Variants in WBP1L observed in about 807,000 individuals in gnomAD.
WBP1L encodes the protein WW domain binding protein 1 like, also known as WW domain binding protein 1-like.
A neutral mutation model predicts 33.7 loss-of-function variants in WBP1L; 17 were observed. The observed-to-expected ratio is 0.50, with a 90% CI of 0.34 to 0.76. The LOEUF is 0.76. Among genes scored for constraint, WBP1L ranks in the 30% least tolerant of loss-of-function variants. The probability of loss-of-function intolerance (pLI) is 0.01; values close to 1 mark genes in which losing one functional copy is unlikely to be tolerated. For synonymous variants in WBP1L, 173 were observed against 190.8 expected, an observed-to-expected ratio of 0.91 and a Z score of 0.77; for missense variants, 389 against 469.4, an observed-to-expected ratio of 0.83 and a Z score of 1.58.
At chr10:102,810,564 C>CT (rs779749788) in intron 3 of WBP1L, among the ~76,000 whole-genome samples, 843 of 59,808 alleles carry the variant, frequency 0.014, 166 homozygotes, top group African/African-American at 0.05. Context: ...CTCTCTATTT[C>CT]TTTTTTTTTT....
At chr10:102,793,034 TG>T (rs1339289231) in intron 1 of WBP1L, among the ~76,000 whole-genome samples, 1 of 152,238 alleles carries the variant, frequency 6.6e-6, no homozygotes, top group Non-Finnish European at 1.5e-5. Flanking sequence ...CAACATTTAT[TG>T]TAGTCGCAGT....
chr10:102,748,211 G>A (rs1045804365), intron 1 of WBP1L, among the ~76,000 whole-genome samples: 21 of 151,626 alleles, frequency 1.4e-4, no homozygotes, highest in Admixed American at 7.9e-4. Context: ...AGCCGAGGTC[G>A]CGCCACTGCA....
chr10:102,809,937 T>C lies in WBP1L; in HGVS notation c.238T>C (p.Cys80Arg). ...WTIIIILSCC[C>R]VCHHRRAKHR... ...CATCATCATCATCCTGAGCTGCTGC[T>C]GTGTTTGCCACCACCGCCGAGCCAA... is the stretch of plus-strand genomic sequence containing the variant. The change falls in exon 3 of 4, where the codon TGT (cysteine) becomes CGT (arginine). Residue 80 changes from cysteine (C) to arginine (R), a missense_variant. By Grantham distance (180) the Cys-to-Arg change is radical. Transcript: ENST00000448841. The C allele has an allele frequency of 6.2e-7, 1 of 1,613,994 alleles. No homozygotes were observed. The highest frequency in any genetic ancestry group is 8.5e-7 in the Non-Finnish European group (1 of 1,180,022).
intron 1 of WBP1L, among the ~76,000 whole-genome samples, chr10:102,791,389 A>C (rs1324743809): frequency 6.6e-6 from 1 of 152,000 alleles, no homozygotes; most frequent in Non-Finnish European, 1.5e-5. Context: ...CCACCCCCCG[A>C]ATCTCTTGCT....
chr10:102,746,881 C>G (rs894894077), intron 1 of WBP1L, among the ~76,000 whole-genome samples: 1 of 150,436 alleles, frequency 6.6e-6, no homozygotes, highest in Admixed American at 6.6e-5. Context: ...CATTTACCAT[C>G]AGAAATAAAT....
At chr10:102,776,101 T>G (rs1406006746) in intron 1 of WBP1L, 1 of 1,303,436 alleles carries the variant, frequency 7.7e-7, no homozygotes, top group Non-Finnish European at 9.8e-7. Flanking sequence ...CTGCTGCGCC[T>G]GAACTGATGT....
intron 1 of WBP1L, among the ~76,000 whole-genome samples, chr10:102,796,789 G>A (rs569760927): frequency 1.3e-5 from 2 of 152,350 alleles, no homozygotes; most frequent in South Asian, 2.1e-4. Flanking sequence ...ATGAAGAAAT[G>A]TTGAAGGCCA....
intron 1 of WBP1L, among the ~76,000 whole-genome samples, chr10:102,753,283 C>T (rs921522420): frequency 1.3e-5 from 2 of 152,204 alleles, no homozygotes; most frequent in Non-Finnish European, 2.9e-5. Context: ...ATACAGTAGA[C>T]AGGCTGAGGT....
Position 102,815,937 on chromosome 10 carries a change from C to G in WBP1L, c.*2606C>G, listed in dbSNP as rs1160057574. 1 of 152,546 alleles carries G rather than the reference C, an allele frequency of 6.6e-6. No homozygotes were observed. Among genetic ancestry groups the G allele is most frequent in the African/African-American group, 2.4e-5 (1 of 41,402 alleles). 9.4% of individuals were successfully genotyped at this position (152,546 alleles called of 1,614,324 possible). On this transcript the variant is annotated 3_prime_UTR_variant, in exon 4 of 4. Transcript: ENST00000448841. ...CCCCGCTACAGGATGCTGCCCTGCT[C>G]AGAGAGAGATTTAATAGGGAGCTGA...
At position 102,815,272 on chromosome 10, in the gene WBP1L, C is replaced by T. The variant is rs1436105051; in HGVS notation, c.*1941C>T. ...CTCGAAGTAGAGGTTTTACTCTACTCATCACTGCGATTTGCACATTGCTCC... is the reference window on the plus strand; with the variant it reads ...CTCGAAGTAGAGGTTTTACTCTACTTATCACTGCGATTTGCACATTGCTCC... On this transcript the variant is annotated 3_prime_UTR_variant, in exon 4 of 4. Coordinates refer to ENST00000448841, the MANE Select transcript of WBP1L (RefSeq NM_001083913.2). The T allele has an allele frequency of 6.5e-6, 1 of 152,678 alleles. No homozygotes were observed. Among genetic ancestry groups the T allele is most frequent in the African/African-American group, 2.4e-5 (1 of 41,468 alleles). 9.5% of individuals were successfully genotyped at this position (152,678 alleles called of 1,614,324 possible). A position where few individuals can be genotyped will look rare whatever the true frequency, so the allele number is the denominator to read the frequency against.
chr10:102,809,810 C>A (rs687541), intron 2 of WBP1L, 83 bp from the exon 3 acceptor site: 40,686 of 1,498,730 alleles, frequency 0.027, 668 homozygotes, highest in Non-Finnish European at 0.033. Flanking sequence ...TGGGCACCGT[C>A]CAGGGACCTC....
intron 1 of WBP1L, among the ~76,000 whole-genome samples, chr10:102,757,032 C>T (rs763824558): frequency 1.8e-4 from 28 of 152,034 alleles, no homozygotes; most frequent in Admixed American, 3.3e-4. Context: ...GGATTACCAA[C>T]GTTTGCCACC....
intron 1 of WBP1L, among the ~76,000 whole-genome samples, chr10:102,790,524 T>C (rs1213397478): frequency 1.3e-5 from 2 of 152,154 alleles, no homozygotes; most frequent in Non-Finnish European, 2.9e-5. Flanking sequence ...TTTTTATTTT[T>C]ATTTTTGAGA....
chr10:102,798,042 C>T lies in WBP1L; in HGVS notation c.140C>T (p.Thr47Ile), dbSNP rs79433636. ...GTNNQSYICD[T>I]GHCCGQSQCC... ...AACAATCAAAGCTACATCTGTGACA[C>T]AGGACACTGCTGTGGACAGTCTCAG... is the stretch of plus-strand genomic sequence containing the variant. The change falls in exon 2 of 4, where the codon ACA becomes ATA. Residue 47 changes from threonine (T) to isoleucine (I), a missense_variant. By Grantham distance (89) the Thr-to-Ile change is moderately conservative. Coordinates refer to ENST00000448841, the MANE Select transcript of WBP1L (RefSeq NM_001083913.2). 6.2e-7 allele frequency: 1 copy of T among 1,614,128 alleles called. No individual in the cohort carries two copies. Among genetic ancestry groups the T allele is most frequent in the Non-Finnish European group, 8.5e-7 (1 of 1,180,020 alleles).
chr10:102,776,083 A>C, intron 1 of WBP1L: 1 of 984,862 alleles, frequency 1.0e-6, no homozygotes, highest in African/African-American at 1.7e-5. Flanking sequence ...AGCTGTCTGA[A>C]GTTTTTTCTG....
chr10:102,791,594 T>C (rs1341525888), intron 1 of WBP1L, among the ~76,000 whole-genome samples: 1 of 151,570 alleles, frequency 6.6e-6, no homozygotes, highest in East Asian at 1.9e-4. Context: ...AGCCCAGGAG[T>C]TCAAGACCAG....
Position 102,813,091 on chromosome 10 carries a change from C to G in WBP1L, c.852C>G (p.Asp284Glu). ...EVCVCNRGHHDDDLKEFNTLI... is the reference protein window; with the variant it reads ...EVCVCNRGHHEDDLKEFNTLI... ...GTGTGTGCAACCGGGGCCACCATGACGATGACCTCAAAGAGTTCAACACAC... is the reference window on the plus strand; with the variant it reads ...GTGTGTGCAACCGGGGCCACCATGAGGATGACCTCAAAGAGTTCAACACAC... Residue 284 changes from aspartate to glutamate, a missense_variant, in exon 4 of 4, where the codon GAC (aspartate) becomes GAG (glutamate). Transcript: ENST00000448841. 6.2e-7 allele frequency: 1 copy of G among 1,613,900 alleles called. No individual in the cohort carries two copies. Among genetic ancestry groups the G allele is most frequent in the Non-Finnish European group, 8.5e-7 (1 of 1,180,016 alleles).
chr10:102,766,996 T>G (rs1350642280), intron 1 of WBP1L, among the ~76,000 whole-genome samples: 1 of 152,186 alleles, frequency 6.6e-6, no homozygotes, highest in Non-Finnish European at 1.5e-5. Flanking sequence ...CCTGCTGATT[T>G]TCATGTAATT....
intron 1 of WBP1L, among the ~76,000 whole-genome samples, chr10:102,768,814 A>C (rs1843147248): frequency 6.6e-6 from 1 of 150,574 alleles, no homozygotes; most frequent in Non-Finnish European, 1.5e-5. Context: ...CAGCCTCCCA[A>C]GTAGCTGGGA....
Sources: gnomAD v4.1 joint callset for allele counts (sites outside exome capture counted in the v4.1 genomes callset) on GRCh38, gnomAD v4.1.1 for gene constraint, MANE v1.5 for transcripts, NCBI Gene and HGNC (gene_info 2026-07-23, HGNC 2026-07-21) for gene names.